The following CPD variants were observed in gnomAD, a reference collection of about 807,000 sequenced individuals.
The protein encoded by CPD is metallocarboxypeptidase D.
Under a neutral mutation model 138.3 loss-of-function variants are expected in CPD, and 69 were observed. That is an observed-to-expected ratio of 0.50 (90% confidence interval 0.41 to 0.61). The LOEUF is 0.61. CPD is among the 20% of genes least tolerant of loss of function. The probability of loss-of-function intolerance (pLI) is 0.00; values close to 1 mark genes in which losing one functional copy is unlikely to be tolerated. For missense variants in CPD, 1,432 were observed against 1,733.3 expected, an observed-to-expected ratio of 0.83 and a Z score of 3.09; for synonymous variants, 651 against 642.1, an observed-to-expected ratio of 1.01 and a Z score of -0.21.
At chr17:30,398,158 A>G (rs1433546092) in intron 2 of CPD, among the ~76,000 whole-genome samples, 1 of 152,160 alleles carries the variant, frequency 6.6e-6, no homozygotes, top group Non-Finnish European at 1.5e-5. Flanking sequence ...GTATTAACAA[A>G]CAAATTGAAG....
intron 2 of CPD, among the ~76,000 whole-genome samples, chr17:30,403,978 CATT>C (rs1457942081): frequency 2.6e-5 from 4 of 151,884 alleles, no homozygotes; most frequent in African/African-American, 9.7e-5. Context: ...GTCTCAAAAG[CATT>C]ATGCTAAGTG....
Position 30,388,314 on chromosome 17 carries a change from G to T in CPD, c.994+3078G>T, listed in dbSNP as rs552571696. 2.0e-5 allele frequency among the ~76,000 whole-genome samples: 3 copies of T among 152,266 alleles called. No homozygotes were observed. The East Asian group carries it at 5.8e-4, about 29-fold the overall frequency. ...TGGCCTGAAGGTGGGGCCTCACCAG[G>T]GACCCCCTCCCTTATACCCAGGAGC... On this transcript the variant is annotated intron_variant, in intron 2 of 20. Transcript: ENST00000225719.
intron 8 of CPD, 74 bp from the exon 9 acceptor site, chr17:30,438,901 C>T: frequency 2.1e-6 from 2 of 930,864 alleles, no homozygotes; most frequent in South Asian, 3.4e-5. Flanking sequence ...TTATTATTTT[C>T]CTGTATCTTT....
chr17:30,449,833 T>C (rs1444994352), intron 13 of CPD, 85 bp downstream of exon 13: 1 of 1,242,186 alleles, frequency 8.1e-7, no homozygotes, highest in Non-Finnish European at 1.1e-6. Context: ...ATTTTTAATT[T>C]CTTGCTAGAT....
chr17:30,392,306 G>A (rs1263827100), intron 2 of CPD, among the ~76,000 whole-genome samples: 3 of 152,098 alleles, frequency 2.0e-5, no homozygotes, highest in African/African-American at 2.4e-5. Flanking sequence ...CACTGCGCCC[G>A]GCCTAAAATC....
intron 2 of CPD, among the ~76,000 whole-genome samples, chr17:30,414,251 G>A (rs1201892854): frequency 2.6e-5 from 4 of 152,078 alleles, no homozygotes; most frequent in South Asian, 2.1e-4. Flanking sequence ...AATATAAAAC[G>A]GCAAGGGCAG....
Position 30,461,914 on chromosome 17 carries a change from C to G in CPD, c.3668C>G (p.Thr1223Ser), listed in dbSNP as rs1446837116. Residue 1223 changes from threonine to serine, a missense_variant, in exon 19 of 21, where the codon ACT (threonine) becomes AGT (serine). By Grantham distance (58) the Thr-to-Ser change is moderately conservative. Around this residue, in one of 6 missense-constraint regions of CPD, gnomAD observed 366 missense variants for 518.8 expected, o/e 0.71. Coordinates refer to ENST00000225719, the MANE Select transcript of CPD (RefSeq NM_001304.5). ...KGVHGFVKDK[T>S]GKPISKAVIV... ...GTTCATGGATTTGTTAAAGATAAGA[C>G]TGGAAAGCCAATCTCTAAAGCAGTC... 2.5e-6 allele frequency: 4 copies of G among 1,606,382 alleles called. No individual in the cohort carries two copies. Among genetic ancestry groups the G allele is most frequent in the Non-Finnish European group, 3.4e-6 (4 of 1,177,386 alleles).
At chr17:30,424,243 G>A (rs1912342518) in intron 6 of CPD, among the ~76,000 whole-genome samples, 1 of 152,242 alleles carries the variant, frequency 6.6e-6, no homozygotes, top group Non-Finnish European at 1.5e-5. Flanking sequence ...GTTAGGATAA[G>A]AGGTTGTAGT....
At chr17:30,462,135 CTT>C in intron 19 of CPD, 73 bp downstream of exon 19, 1 of 1,347,404 alleles carries the variant, frequency 7.4e-7, no homozygotes, top group Non-Finnish European at 1.0e-6. Context: ...TTTTGAAACT[CTT>C]GTTAGAAATC....
intron 9 of CPD, 72 bp from the exon 10 acceptor site, chr17:30,442,236 G>A: frequency 1.4e-6 from 2 of 1,478,328 alleles, no homozygotes; most frequent in African/African-American, 2.8e-5. Flanking sequence ...TACTAGGAAT[G>A]TTGCTTACCT....
Position 30,383,027 on chromosome 17 carries a change from A to G in CPD, c.747-1962A>G, listed in dbSNP as rs576540531. ...GTCAGTGGGGGAAAAATACTTAAAA[A>G]TTGTTTTAGAATTACAAACCAGAGA... is the stretch of plus-strand genomic sequence containing the variant. On this transcript the variant is annotated intron_variant, in intron 1 of 20. Transcript: ENST00000225719. Among the ~76,000 whole-genome samples, 3 of 152,300 alleles carry G rather than the reference A, an allele frequency of 2.0e-5. No homozygotes were observed. The South Asian group carries it at 6.2e-4, about 32-fold the overall frequency.
chr17:30,438,928 A>T, intron 8 of CPD, 47 bp from the exon 9 acceptor site: 3 of 1,125,872 alleles, frequency 2.7e-6, no homozygotes, highest in Non-Finnish European at 3.8e-6. Context: ...TTTTTTTTTG[A>T]TGGAGATACA....
At chr17:30,441,932 A>T (rs1178626010) in intron 9 of CPD, among the ~76,000 whole-genome samples, 1 of 149,840 alleles carries the variant, frequency 6.7e-6, no homozygotes, top group Non-Finnish European at 1.5e-5. Flanking sequence ...TCATAAAATG[A>T]GTTAGGGAGG....
chr17:30,387,861 A>C (rs1348384426), intron 2 of CPD, among the ~76,000 whole-genome samples: 2 of 152,162 alleles, frequency 1.3e-5, no homozygotes, highest in African/African-American at 2.4e-5. Context: ...CCTTTGCCCA[A>C]GTTCTTGTCC....
At chr17:30,448,076 G>C (rs2143481227) in intron 12 of CPD, among the ~76,000 whole-genome samples, 1 of 152,328 alleles carries the variant, frequency 6.6e-6, no homozygotes, top group African/African-American at 2.4e-5. Context: ...GATGCAGAGT[G>C]ATACTTAACT....
intron 2 of CPD, among the ~76,000 whole-genome samples, chr17:30,414,301 C>T (rs1019869001): frequency 6.6e-6 from 1 of 152,122 alleles, no homozygotes; most frequent in African/African-American, 2.4e-5. Flanking sequence ...AGAGGCTGGG[C>T]GCAGTGGCTC....
intron 20 of CPD, among the ~76,000 whole-genome samples, chr17:30,463,167 T>C (rs928971640): frequency 2.6e-5 from 4 of 152,206 alleles, no homozygotes; most frequent in African/African-American, 9.6e-5. Context: ...CCAACACTTC[T>C]CTTTCTTCAG....
chr17:30,390,781 A>G (rs1351326770), intron 2 of CPD, among the ~76,000 whole-genome samples: 2 of 152,198 alleles, frequency 1.3e-5, no homozygotes, highest in African/African-American at 4.8e-5. Flanking sequence ...ATCCCCTTCC[A>G]AAGCCTCGTT....
chr17:30,456,358 G>A lies in CPD; in HGVS notation c.3433+7G>A. On this transcript the variant is annotated splice_region_variant and intron_variant, in intron 16 of 20. Transcript: ENST00000225719. Reference sequence around the variant, plus strand: ...AGTTGCCCAAATAAATCAGGTAGATGTTTTCCATACCTTTTGTTATTGCTG... The same window carrying A: ...AGTTGCCCAAATAAATCAGGTAGATATTTTCCATACCTTTTGTTATTGCTG... 1 of 1,613,648 alleles carries A rather than the reference G, an allele frequency of 6.2e-7. No homozygotes were observed. The highest frequency in any genetic ancestry group is 8.5e-7 in the Non-Finnish European group (1 of 1,179,540).
Sources: allele counts gnomAD v4.1 joint callset (sites outside exome capture counted in the v4.1 genomes callset), GRCh38; gene constraint gnomAD v4.1.1; regional missense constraint gnomAD v4.1.1; transcripts MANE v1.5; gene names NCBI Gene and HGNC (gene_info 2026-07-23, HGNC 2026-07-21).